ZNF469: variants seen among roughly 807,000 people sequenced by gnomAD.
The protein encoded by ZNF469 is zinc finger protein 469.
In ZNF469, 1 loss-of-function variant was observed where a neutral mutation model predicts 1.0. That is an observed-to-expected ratio of 1.00 (90% CI 0.35 to 4.73). ZNF469 has a LOEUF of 4.73. Among genes scored for constraint, ZNF469 ranks in the 30% most tolerant of loss-of-function variants. ZNF469 has a pLI of 0.16. For missense variants in ZNF469, 6,100 were observed against 5,356.3 expected, an observed-to-expected ratio of 1.14 and a Z score of -4.33; for synonymous variants, 2,703 against 2,363.4, an observed-to-expected ratio of 1.14 and a Z score of -4.17.
chr16:88,178,575 C>T, the ZNF469 span: 1 of 152,162 alleles, frequency 6.6e-6, no homozygotes, highest in Admixed American at 6.5e-5. Flanking sequence ...TGGGAGATGA[C>T]TTTTTCTCAG....
chr16:88,380,936 TCACACACAGACACGCCCTCA>T (rs2092521378), upstream of ZNF469, among the ~76,000 whole-genome samples: 1 of 59,580 alleles, frequency 1.7e-5, no homozygotes. Flanking sequence ...AGACACGCAC[TCACACACAGACACGCCCTCA>T]CACACAGACA....
Position 88,433,303 on chromosome 16 carries a change from G to C in ZNF469, c.5833G>C (p.Val1945Leu). 6.5e-7 allele frequency: 1 copy of C among 1,550,370 alleles called. No individual in the cohort carries two copies. The highest frequency in any genetic ancestry group is 8.7e-7 in the Non-Finnish European group (1 of 1,146,950). ...CCCCTCAGGTCTGGAAGGGGGCACT[G>C]TGGAAGGAGGGAAGGTGGCCTGTGG... ...VNPSGLEGGT[V>L]EGGKVACGPA... Residue 1945 changes from valine (V) to leucine (L), a missense_variant, in exon 3 of 3, where the codon GTG becomes CTG. By Grantham distance (32) the Val-to-Leu change is conservative. Transcript: ENST00000565624.
At chr16:88,269,037 GC>G in the ZNF469 span, among the ~76,000 whole-genome samples, 1 of 152,232 alleles carries the variant, frequency 6.6e-6, no homozygotes, top group Admixed American at 6.5e-5. Context: ...GAGGGTCTGG[GC>G]CATGCAGGGC....
rs920772556 is a variant in ZNF469, at chr16:88,429,941, C to A, written c.2471C>A (p.Pro824His). The A allele has an allele frequency of 2.4e-5, 37 of 1,550,172 alleles. No individual in the cohort carries two copies. Among genetic ancestry groups the A allele is most frequent in the Non-Finnish European group, 3.1e-5 (35 of 1,146,952 alleles). ...TGFLPSLAAT[P>H]FPLPASDLDM... ...TTCCTGCCCAGCCTGGCCGCCACCC[C>A]CTTCCCGCTCCCTGCCTCGGACCTG... is the stretch of plus-strand genomic sequence containing the variant. The change falls in exon 3 of 3, where the codon CCC (proline) becomes CAC (histidine). Residue 824 changes from proline to histidine, a missense_variant. Pro to His is a moderately conservative substitution (Grantham distance 77, BLOSUM62 -2). Coordinates refer to ENST00000565624, the MANE Select transcript of ZNF469 (RefSeq NM_001367624.2).
At chr16:88,291,531 C>T in the ZNF469 span, among the ~76,000 whole-genome samples, 2 of 152,172 alleles carry the variant, frequency 1.3e-5, no homozygotes, top group Non-Finnish European at 2.9e-5. Context: ...GATGAAGACA[C>T]CGGGGCTCAG....
At chr16:88,254,541 C>CGAGGT in the ZNF469 span, among the ~76,000 whole-genome samples, 2 of 152,018 alleles carry the variant, frequency 1.3e-5, no homozygotes, top group Non-Finnish European at 2.9e-5. Context: ...GCAGATCACT[C>CGAGGT]GAGGTCAGGA....
At position 88,430,397 on chromosome 16, in the gene ZNF469, C is replaced by A. The variant is rs974948520; in HGVS notation, c.2927C>A (p.Ser976Tyr). The change falls in exon 3 of 3, where the codon TCC becomes TAC. Residue 976 changes from serine (S) to tyrosine (Y), a missense_variant. Transcript: ENST00000565624. ...GGGTCGGGCGGCGGCGGCAGAGCCT[C>A]CGGCCTGAGGCCCCGGAGGAACGAC... ...GSGSGGGGRA[S>Y]GLRPRRNDGL... 3.3e-6 allele frequency: 5 copies of A among 1,519,676 alleles called. No homozygotes were observed. In the African/African-American group the frequency reaches 6.9e-5, roughly 21 times the overall value. The allele number at this position is 1,519,676 out of a possible 1,614,324, so 94.1% of individuals were successfully genotyped here.
At chr16:88,322,694 C>T in the ZNF469 span, among the ~76,000 whole-genome samples, 1 of 152,198 alleles carries the variant, frequency 6.6e-6, no homozygotes, top group Non-Finnish European at 1.5e-5. Context: ...TCAGGGGTCG[C>T]CCTTGCCTTG....
intron 1 of ZNF469, among the ~76,000 whole-genome samples, chr16:88,406,383 C>A (rs1905030068): frequency 6.6e-6 from 1 of 152,232 alleles, no homozygotes; most frequent in Non-Finnish European, 1.5e-5. Flanking sequence ...ATCCAAGTGC[C>A]CTGCAGTGCC....
At position 88,436,492 on chromosome 16, in the gene ZNF469, G is replaced by C; in HGVS notation, c.9022G>C (p.Asp3008His). ...RGLEMPAPAD[D>H]SSSSLGDVSP... The stretch of plus-strand genomic sequence containing the variant: ...CCTGGAGATGCCGGCCCCTGCCGAT[G>C]ACTCCTCCTCTTCTCTCGGAGATGT... Residue 3008 changes from aspartate (D) to histidine (H), a missense_variant, in exon 3 of 3, where the codon GAC becomes CAC. Asp to His is a moderately conservative substitution (Grantham distance 81). Transcript: ENST00000565624. The C allele has an allele frequency of 1.3e-6, 2 of 1,547,968 alleles. No individual in the cohort carries two copies. Among genetic ancestry groups the C allele is most frequent in the Non-Finnish European group, 1.7e-6 (2 of 1,146,964 alleles).
At chr16:88,393,271 T>C (rs1329942872) in intron 1 of ZNF469, among the ~76,000 whole-genome samples, 1 of 152,126 alleles carries the variant, frequency 6.6e-6, no homozygotes, top group East Asian at 1.9e-4. Flanking sequence ...TCCCGGTGAG[T>C]GGGAGCATGC....
At chr16:88,425,338 A>G (rs56116480) in intron 2 of ZNF469, among the ~76,000 whole-genome samples, 32,837 of 152,034 alleles carry the variant, frequency 0.22, 4,493 homozygotes, top group African/African-American at 0.39. Flanking sequence ...GGGGTCTGAC[A>G]TGTGGGACTG....
chr16:88,258,371 A>G, the ZNF469 span, among the ~76,000 whole-genome samples: 3 of 151,790 alleles, frequency 2.0e-5, no homozygotes, highest in African/African-American at 4.8e-5. Flanking sequence ...GGGAGGGGCC[A>G]CTCCCATGAG....
At chr16:88,221,323 G>A in the ZNF469 span, among the ~76,000 whole-genome samples, 1 of 152,200 alleles carries the variant, frequency 6.6e-6, no homozygotes, top group Non-Finnish European at 1.5e-5. Flanking sequence ...GCGAGATAGC[G>A]CAGAGGAAAT....
the ZNF469 span, among the ~76,000 whole-genome samples, chr16:88,101,137 G>A: frequency 3.9e-5 from 6 of 152,372 alleles, no homozygotes; most frequent in East Asian, 9.6e-4. Context: ...GTGTTTTCAC[G>A]CAGGCTGGAT....
At chr16:88,348,165 G>A in the ZNF469 span, among the ~76,000 whole-genome samples, 46 of 152,204 alleles carry the variant, frequency 3.0e-4, no homozygotes, top group Admixed American at 2.9e-3. Flanking sequence ...CAGCAGAAGC[G>A]ATCCTTTCAG....
chr16:88,325,098 G>A, the ZNF469 span, among the ~76,000 whole-genome samples: 2 of 150,582 alleles, frequency 1.3e-5, no homozygotes, highest in African/African-American at 2.5e-5. Flanking sequence ...ATCCAGCTGC[G>A]GCATACTCAG....
the ZNF469 span, among the ~76,000 whole-genome samples, chr16:88,101,544 C>T: frequency 2.1e-5 from 3 of 144,020 alleles, no homozygotes; most frequent in Non-Finnish European, 3.0e-5. Context: ...TCTCATTACG[C>T]TTTTTTTTTT....
chr16:88,402,604 C>T (rs1469575754), intron 1 of ZNF469, among the ~76,000 whole-genome samples: 4 of 152,158 alleles, frequency 2.6e-5, no homozygotes, highest in Non-Finnish European at 4.4e-5. Context: ...GCAGCTCAGA[C>T]CCCTTTGCAG....
Sources: gnomAD v4.1 joint callset for allele counts (sites outside exome capture counted in the v4.1 genomes callset) on GRCh38, gnomAD v4.1.1 for gene constraint, MANE v1.5 for transcripts, NCBI Gene and HGNC (gene_info 2026-07-23, HGNC 2026-07-21) for gene names.